The following HEMK2 variants were observed in gnomAD, a reference collection of about 807,000 sequenced individuals.
HEMK2 encodes the protein HemK methyltransferase 2, ETF1 glutamine and histone H4 lysine.
the HEMK2 span, among the ~76,000 whole-genome samples, chr21:28,591,206 T>A: frequency 6.6e-6 from 1 of 152,166 alleles, no homozygotes. Context: ...TCACATTACA[T>A]AAAAAAGATT....
the HEMK2 span, among the ~76,000 whole-genome samples, chr21:28,878,870 T>C: frequency 6.7e-6 from 1 of 150,034 alleles, no homozygotes; most frequent in East Asian, 1.9e-4. Context: ...GGCCCTCTTG[T>C]AGTTTAAAGT....
At chr21:28,690,677 C>A in the HEMK2 span, among the ~76,000 whole-genome samples, 1 of 152,110 alleles carries the variant, frequency 6.6e-6, no homozygotes, top group African/African-American at 2.4e-5. Flanking sequence ...CACAAAGAAA[C>A]CACTCTCTTG....
chr21:28,665,285 A>C, the HEMK2 span, among the ~76,000 whole-genome samples: 2 of 148,482 alleles, frequency 1.3e-5, no homozygotes, highest in African/African-American at 2.5e-5. Context: ...AAGTAAATAA[A>C]TCTAAAAAAG....
the HEMK2 span, among the ~76,000 whole-genome samples, chr21:28,845,144 A>C: frequency 6.6e-6 from 1 of 152,116 alleles, no homozygotes; most frequent in Non-Finnish European, 1.5e-5. Flanking sequence ...TAAAGGTAGA[A>C]TAAAATGGTG....
the HEMK2 span, among the ~76,000 whole-genome samples, chr21:28,674,380 G>C: frequency 6.6e-6 from 1 of 152,058 alleles, no homozygotes; most frequent in Non-Finnish European, 1.5e-5. Flanking sequence ...TTATAGACTT[G>C]TCCTGAATTC....
At chr21:28,596,255 G>A in the HEMK2 span, among the ~76,000 whole-genome samples, 1 of 151,984 alleles carries the variant, frequency 6.6e-6, no homozygotes, top group Admixed American at 6.6e-5. Context: ...CTGACCTTGT[G>A]ATCCACCCCA....
At chr21:28,725,384 G>A in the HEMK2 span, among the ~76,000 whole-genome samples, 1 of 152,202 alleles carries the variant, frequency 6.6e-6, no homozygotes, top group Admixed American at 6.5e-5. Flanking sequence ...AATGGAGAAA[G>A]TGAGACTAGG....
the HEMK2 span, among the ~76,000 whole-genome samples, chr21:28,777,814 TA>T: frequency 6.6e-6 from 1 of 152,254 alleles, no homozygotes; most frequent in Non-Finnish European, 1.5e-5. Flanking sequence ...TGAATTCATT[TA>T]TTTATTAAAC....
chr21:28,604,054 G>A, the HEMK2 span, among the ~76,000 whole-genome samples: 1 of 152,338 alleles, frequency 6.6e-6, no homozygotes, highest in South Asian at 2.1e-4. Context: ...GTGGCTGGAA[G>A]ATCTTGCAAG....
At chr21:28,871,005 G>C in the HEMK2 span, among the ~76,000 whole-genome samples, 165 of 152,120 alleles carry the variant, frequency 1.1e-3, no homozygotes, top group African/African-American at 3.7e-3. Flanking sequence ...TCTCCTCTTT[G>C]CCTTTTTGGT....
chr21:28,709,431 T>C, the HEMK2 span, among the ~76,000 whole-genome samples: 1 of 152,140 alleles, frequency 6.6e-6, no homozygotes, highest in Non-Finnish European at 1.5e-5. Flanking sequence ...AGAGTCATAA[T>C]ATAGGATGGA....
the HEMK2 span, among the ~76,000 whole-genome samples, chr21:28,683,778 C>A: frequency 1.3e-5 from 2 of 151,962 alleles, no homozygotes; most frequent in Admixed American, 6.6e-5. Flanking sequence ...TAGTGAAAAA[C>A]ACTAAAAATA....
the HEMK2 span, among the ~76,000 whole-genome samples, chr21:28,846,533 G>A: frequency 4.6e-5 from 7 of 152,098 alleles, no homozygotes; most frequent in African/African-American, 1.2e-4. Flanking sequence ...GTTTCAATTC[G>A]CATCTCCCTA....
chr21:28,663,642 T>C, the HEMK2 span, among the ~76,000 whole-genome samples: 3 of 152,226 alleles, frequency 2.0e-5, no homozygotes, highest in Non-Finnish European at 4.4e-5. Context: ...TTACTTGGGA[T>C]GGGTTTCTTT....
chr21:28,722,187 G>C, the HEMK2 span, among the ~76,000 whole-genome samples: 9 of 151,286 alleles, frequency 5.9e-5, no homozygotes, highest in Non-Finnish European at 1.0e-4. Flanking sequence ...GGAAGATAGA[G>C]TAAAAATATA....
At chr21:28,850,058 G>A in the HEMK2 span, among the ~76,000 whole-genome samples, 1 of 152,086 alleles carries the variant, frequency 6.6e-6, no homozygotes, top group East Asian at 1.9e-4. Flanking sequence ...AGGACATGTA[G>A]TCACCAAATT....
the HEMK2 span, among the ~76,000 whole-genome samples, chr21:28,708,564 A>G: frequency 6.6e-6 from 1 of 152,238 alleles, no homozygotes; most frequent in Non-Finnish European, 1.5e-5. Flanking sequence ...AAGGATAGCT[A>G]TGACAGTTGT....
At chr21:28,602,470 A>G in the HEMK2 span, among the ~76,000 whole-genome samples, 1 of 152,220 alleles carries the variant, frequency 6.6e-6, no homozygotes, top group Admixed American at 6.5e-5. Flanking sequence ...CCTGGAAGTG[A>G]ACAATGGTTC....
At chr21:28,853,494 C>T in the HEMK2 span, among the ~76,000 whole-genome samples, 6 of 152,264 alleles carry the variant, frequency 3.9e-5, no homozygotes, top group Admixed American at 6.5e-5. Flanking sequence ...AAAACTCAAG[C>T]AGTTATTTTC....
Sources: allele counts gnomAD v4.1 joint callset (sites outside exome capture counted in the v4.1 genomes callset), GRCh38; gene constraint gnomAD v4.1.1; transcripts MANE v1.5; gene names NCBI Gene and HGNC (gene_info 2026-07-23, HGNC 2026-07-21).